Variants in MDGA2 observed in about 807,000 individuals in gnomAD.
MDGA2 encodes MAM domain-containing glycosylphosphatidylinositol anchor protein 2.
In MDGA2, 40 loss-of-function variants were observed where a neutral mutation model predicts 117.8. The observed-to-expected ratio is 0.34, with a 90% CI of 0.26 to 0.44. MDGA2 has a LOEUF of 0.44. Ranked by LOEUF, MDGA2 falls within the 20% of genes least tolerant of loss-of-function variation. MDGA2 has a pLI of 1.00. For synonymous variants in MDGA2, 452 were observed against 439.0 expected (o/e 1.03, Z -0.37); for missense variants, 1,123 against 1,250.6 (o/e 0.90, Z 1.54).
intron 1 of MDGA2, among the ~76,000 whole-genome samples, chr14:47,562,102 C>A (rs1350870795): frequency 1.3e-5 from 2 of 152,148 alleles, no homozygotes; most frequent in Admixed American, 6.5e-5. Context: ...AGATTAACTT[C>A]TTCATGTGTT....
intron 1 of MDGA2, among the ~76,000 whole-genome samples, chr14:47,586,669 G>A (rs1896330697): frequency 6.6e-6 from 1 of 151,850 alleles, no homozygotes; most frequent in South Asian, 2.1e-4. Flanking sequence ...GGCAGCTCTA[G>A]GGTATGTCTG....
Position 47,175,499 on chromosome 14 carries a change from G to A in MDGA2, c.596-31225C>T, listed in dbSNP as rs1177858016. ...GGGATGCAAGGCTGGTTCAATATAC[G>A]CAAATCAATAAATGTAATCCAGCAT... On this transcript the variant is annotated intron_variant, in intron 3 of 16. Transcript: ENST00000399232. Among the ~76,000 whole-genome samples, 888 of 149,024 alleles carry A rather than the reference G, an allele frequency of 6.0e-3. 6 individuals are homozygous for A. Among genetic ancestry groups the A allele is most frequent in the African/African-American group, 0.021 (825 of 39,642 alleles).
chr14:47,471,911 G>A (rs1479126207), intron 1 of MDGA2, among the ~76,000 whole-genome samples: 2 of 152,046 alleles, frequency 1.3e-5, no homozygotes, highest in Non-Finnish European at 2.9e-5. Context: ...GACCAGGCTT[G>A]TACAAATAGA....
chr14:47,644,068 T>C (rs949759946), intron 1 of MDGA2, among the ~76,000 whole-genome samples: 1 of 152,162 alleles, frequency 6.6e-6, no homozygotes, highest in Non-Finnish European at 1.5e-5. Flanking sequence ...TACTGTAAGA[T>C]ATATAAAGAT....
At chr14:47,597,814 AAC>A (rs1896571778) in intron 1 of MDGA2, among the ~76,000 whole-genome samples, 1 of 147,744 alleles carries the variant, frequency 6.8e-6, no homozygotes, top group African/African-American at 2.5e-5. Context: ...AGATTCCTTA[AAC>A]ACACACAGAG....
intron 1 of MDGA2, among the ~76,000 whole-genome samples, chr14:47,538,532 C>G (rs1252608273): frequency 6.6e-6 from 1 of 152,120 alleles, no homozygotes; most frequent in Non-Finnish European, 1.5e-5. Flanking sequence ...ACAAAGATAA[C>G]AACACAACAA....
chr14:47,565,600 G>C (rs981229009), intron 1 of MDGA2, among the ~76,000 whole-genome samples: 1 of 152,214 alleles, frequency 6.6e-6, no homozygotes, highest in Non-Finnish European at 1.5e-5. Flanking sequence ...GTAGCAGCAG[G>C]ATCTGACTTC....
At chr14:47,117,453 A>C (rs761346385) in intron 5 of MDGA2, among the ~76,000 whole-genome samples, 13 of 152,204 alleles carry the variant, frequency 8.5e-5, no homozygotes, top group Non-Finnish European at 1.3e-4. Flanking sequence ...TAGGATTCCT[A>C]TATTCACTGC....
At chr14:47,387,010 T>C (rs771283686) in intron 1 of MDGA2, among the ~76,000 whole-genome samples, 1 of 152,180 alleles carries the variant, frequency 6.6e-6, no homozygotes, top group Non-Finnish European at 1.5e-5. Context: ...TCTTGATACA[T>C]AATGAATTTA....
rs759576892 is a variant in MDGA2 at position 46,920,001 on chromosome 14, A to G, written c.2238+11T>C. 6.4e-7 allele frequency: 1 copy of G among 1,561,118 alleles called. No homozygotes were observed. The highest frequency in any genetic ancestry group is 2.0e-5 in the Admixed American group (1 of 48,860). On this transcript the variant is annotated intron_variant, in intron 10 of 16. Transcript: ENST00000399232. Reference sequence around the variant, plus strand: ...CCACAAAGAAAAAAGGACATCAGTTAGATTTCTCACCTGCCTGATGCCCAA... The same window carrying G: ...CCACAAAGAAAAAAGGACATCAGTTGGATTTCTCACCTGCCTGATGCCCAA...
At position 47,491,192 on chromosome 14, in the gene MDGA2, TA is replaced by T. The variant is rs1427661635; in HGVS notation, c.280+183324del. Reference sequence around the variant, plus strand: ...TATAGCTAAACATGAAATTCATTAATAAGTCTACATCCTAAAGCAATGTGTG... The same window carrying T: ...TATAGCTAAACATGAAATTCATTAATAGTCTACATCCTAAAGCAATGTGTG... On this transcript the variant is annotated intron_variant, in intron 1 of 16. Transcript: ENST00000399232. 2.0e-5 allele frequency among the ~76,000 whole-genome samples: 3 copies of T among 152,200 alleles called. No homozygotes were observed. In the East Asian group the frequency reaches 5.8e-4, roughly 29 times the overall value.
chr14:47,504,697 C>A (rs189423388), intron 1 of MDGA2, among the ~76,000 whole-genome samples: 30 of 152,070 alleles, frequency 2.0e-4, no homozygotes, highest in Admixed American at 2.6e-4. Context: ...AAAATGCAGG[C>A]GAGGATGTGT....
At chr14:47,241,773 A>G (rs940880312) in intron 2 of MDGA2, among the ~76,000 whole-genome samples, 9 of 151,168 alleles carry the variant, frequency 6.0e-5, no homozygotes, top group Non-Finnish European at 1.2e-4. Context: ...CCACTGAGGT[A>G]AAAAAAAATG....
intron 1 of MDGA2, among the ~76,000 whole-genome samples, chr14:47,341,300 G>A (rs2138320907): frequency 6.6e-6 from 1 of 152,230 alleles, no homozygotes; most frequent in South Asian, 2.1e-4. Context: ...GAAAATCCAA[G>A]GATTCTGGGC....
At chr14:47,046,484 G>T (rs898096978) in intron 7 of MDGA2, among the ~76,000 whole-genome samples, 2 of 150,854 alleles carry the variant, frequency 1.3e-5, no homozygotes, top group African/African-American at 4.9e-5. Context: ...GAAAACATCA[G>T]GGATATACCT....
At chr14:46,989,786 GACC>G (rs1469539806) in intron 8 of MDGA2, among the ~76,000 whole-genome samples, 3 of 152,076 alleles carry the variant, frequency 2.0e-5, no homozygotes, top group South Asian at 2.1e-4. Context: ...AGCTGGCAGG[GACC>G]ACCAAGTGAA....
intron 9 of MDGA2, 85 bp downstream of exon 9, chr14:46,957,289 G>C: frequency 7.5e-7 from 1 of 1,325,400 alleles, no homozygotes; most frequent in East Asian, 2.4e-5. Flanking sequence ...ATTTACAAAT[G>C]TTTTCATTCT....
At chr14:46,939,536 G>A (rs76201122) in intron 9 of MDGA2, among the ~76,000 whole-genome samples, 9,212 of 152,146 alleles carry the variant, frequency 0.061, 367 homozygotes, top group African/African-American at 0.1. Flanking sequence ...AGTTTCTAAA[G>A]CATTATTTGG....
intron 1 of MDGA2, among the ~76,000 whole-genome samples, chr14:47,473,651 A>G (rs1893775495): frequency 6.6e-6 from 1 of 152,092 alleles, no homozygotes. Context: ...CTTACAAAGA[A>G]AATTCCCAAA....
Sources: gnomAD v4.1 joint callset for allele counts (sites outside exome capture counted in the v4.1 genomes callset) on GRCh38, gnomAD v4.1.1 for gene constraint, MANE v1.5 for transcripts, NCBI Gene and HGNC (gene_info 2026-07-23, HGNC 2026-07-21) for gene names.